Variants in EPAS1 observed in about 807,000 individuals in gnomAD.
The protein encoded by EPAS1 is endothelial PAS domain-containing protein 1.
EPAS1 carries 23 observed loss-of-function variants against 87.9 expected under a neutral mutation model. The ratio of observed to expected loss-of-function variants is 0.26; its 90% CI spans 0.19 to 0.37. The LOEUF (loss-of-function observed/expected upper bound fraction) is 0.37, where lower values mean the gene tolerates loss of function less well. Ranked by LOEUF, EPAS1 falls within the 10% of genes least tolerant of loss-of-function variation. The pLI, the probability that EPAS1 is intolerant of heterozygous loss-of-function variation, is 1.00. For missense variants in EPAS1, 1,138 were observed against 1,120.7 expected (o/e 1.02, Z -0.22); for synonymous variants, 508 against 444.3 (o/e 1.14, Z -1.80).
chr2:46,302,012 A>G (rs1170690880), intron 1 of EPAS1, among the ~76,000 whole-genome samples: 1 of 152,022 alleles, frequency 6.6e-6, no homozygotes, highest in Non-Finnish European at 1.5e-5. Flanking sequence ...AGAACATTCA[A>G]GCAGCTGCTA....
At chr2:46,337,864 T>C (rs74934363) in intron 1 of EPAS1, among the ~76,000 whole-genome samples, 2,463 of 152,252 alleles carry the variant, frequency 0.016, 73 homozygotes, top group African/African-American at 0.057. Flanking sequence ...CTTTTTTTTT[T>C]CTTTTTCTTT....
intron 2 of EPAS1, among the ~76,000 whole-genome samples, chr2:46,349,423 A>G (rs1291411925): frequency 6.6e-6 from 1 of 152,172 alleles, no homozygotes; most frequent in Non-Finnish European, 1.5e-5. Context: ...TGCTAAACAC[A>G]CCCACAGAGA....
At chr2:46,308,137 C>T (rs1683144004) in intron 1 of EPAS1, among the ~76,000 whole-genome samples, 1 of 152,192 alleles carries the variant, frequency 6.6e-6, no homozygotes, top group Admixed American at 6.5e-5. Flanking sequence ...AGTACTCATT[C>T]CCACTTCTAT....
At chr2:46,365,908 GTATT>G (rs993094318) in intron 6 of EPAS1, among the ~76,000 whole-genome samples, 20 of 152,236 alleles carry the variant, frequency 1.3e-4, no homozygotes, top group African/African-American at 3.9e-4. Flanking sequence ...CCGACTTGAA[GTATT>G]TATTAGCAGA....
intron 1 of EPAS1, among the ~76,000 whole-genome samples, chr2:46,314,692 C>G (rs1683277756): frequency 6.6e-6 from 1 of 152,168 alleles, no homozygotes. Flanking sequence ...TCACATGCTC[C>G]CTTAGAGGGA....
intron 11 of EPAS1, chr2:46,379,757 C>A: frequency 4.5e-6 from 1 of 223,684 alleles, no homozygotes; most frequent in East Asian, 1.0e-4. Context: ...TGCGAGAGTC[C>A]ACAGATGGAC....
At chr2:46,298,907 C>T (rs1303453882) in intron 1 of EPAS1, among the ~76,000 whole-genome samples, 2 of 152,242 alleles carry the variant, frequency 1.3e-5, no homozygotes, top group African/African-American at 4.8e-5. Context: ...CTTTCTCCTC[C>T]TGTCTCCACC....
intron 1 of EPAS1, among the ~76,000 whole-genome samples, chr2:46,332,701 TG>T (rs1383989176): frequency 6.6e-6 from 1 of 152,224 alleles, no homozygotes; most frequent in Non-Finnish European, 1.5e-5. Flanking sequence ...TTTTTCCCCC[TG>T]GGGCTTGGCC....
rs2103676359 is a variant in EPAS1, at chr2:46,381,784, G to A, written c.2172+62G>A. 6.2e-6 allele frequency: 10 copies of A among 1,607,736 alleles called. No homozygotes were observed. The East Asian group carries it at 6.7e-5, about 11-fold the overall frequency. ...AGCCCTTAGGGAACCCAGGGCTGCT[G>A]AGAGGGGTGGGGATGTGGCCCTTCC... is the stretch of plus-strand genomic sequence containing the variant. On this transcript the variant is annotated intron_variant, in intron 13 of 15. Transcript: ENST00000263734.
intron 1 of EPAS1, among the ~76,000 whole-genome samples, chr2:46,306,358 G>A (rs1683109139): frequency 2.0e-5 from 3 of 152,198 alleles, no homozygotes; most frequent in Admixed American, 2.0e-4. Flanking sequence ...GGGAAATGGA[G>A]GTGCTGAGAG....
chr2:46,368,457 C>T (rs535803237), intron 6 of EPAS1, among the ~76,000 whole-genome samples: 1 of 152,148 alleles, frequency 6.6e-6, no homozygotes, highest in South Asian at 2.1e-4. Context: ...TCTGGGGGGA[C>T]TTGGAAGTTA....
chr2:46,298,007 A>T lies in EPAS1; in HGVS notation c.26+70A>T. On this transcript the variant is annotated intron_variant, in intron 1 of 15. Transcript: ENST00000263734. ...GGCCGGGCTGCGCGGGGCAGGCGCG[A>T]CCGAGAGTGGTTGGGAGAAGAGTGC... The T allele has an allele frequency of 2.5e-6, 4 of 1,580,814 alleles. No individual in the cohort carries two copies. In the South Asian group the frequency reaches 3.4e-5, roughly 13 times the overall value.
chr2:46,320,775 G>C (rs981715650), intron 1 of EPAS1, among the ~76,000 whole-genome samples: 1 of 152,228 alleles, frequency 6.6e-6, no homozygotes, highest in African/African-American at 2.4e-5. Context: ...AACTTTGTGT[G>C]AGAGTTTAGT....
chr2:46,378,799 G>A, intron 11 of EPAS1, 32 bp downstream of exon 11: 1 of 1,558,904 alleles, frequency 6.4e-7, no homozygotes, highest in Non-Finnish European at 8.9e-7. Context: ...GCTAGGGTGT[G>A]TGCCTGCTGT....
At chr2:46,349,018 C>T (rs1162134731) in intron 2 of EPAS1, among the ~76,000 whole-genome samples, 1 of 152,176 alleles carries the variant, frequency 6.6e-6, no homozygotes, top group African/African-American at 2.4e-5. Flanking sequence ...ACATGGTGAA[C>T]CTGCACCTGG....
chr2:46,363,734 A>G (rs1260743634), intron 6 of EPAS1, among the ~76,000 whole-genome samples: 1 of 152,226 alleles, frequency 6.6e-6, no homozygotes, highest in Non-Finnish European at 1.5e-5. Flanking sequence ...CATAATGTAG[A>G]GGGTGATATT....
At chr2:46,362,759 A>T (rs1684419362) in intron 6 of EPAS1, among the ~76,000 whole-genome samples, 1 of 152,114 alleles carries the variant, frequency 6.6e-6, no homozygotes, top group South Asian at 2.1e-4. Context: ...CAATTTCAGA[A>T]CTTTTGTAAA....
At chr2:46,352,172 G>C (rs1240939359) in intron 2 of EPAS1, among the ~76,000 whole-genome samples, 14 of 152,154 alleles carry the variant, frequency 9.2e-5, no homozygotes, top group Non-Finnish European at 1.6e-4. Context: ...CTGAGATCTG[G>C]AGCCCAGGAT....
intron 2 of EPAS1, among the ~76,000 whole-genome samples, chr2:46,355,942 C>T (rs1293509890): frequency 2.6e-5 from 4 of 152,256 alleles, no homozygotes; most frequent in Non-Finnish European, 5.9e-5. Flanking sequence ...ACAACAAGCA[C>T]ACTGTCCTCA....
Sources: gnomAD v4.1 joint callset for allele counts (sites outside exome capture counted in the v4.1 genomes callset) on GRCh38, gnomAD v4.1.1 for gene constraint, MANE v1.5 for transcripts, NCBI Gene and HGNC (gene_info 2026-07-23, HGNC 2026-07-21) for gene names.